RABGEF1: variants seen among roughly 807,000 people sequenced by gnomAD.
The protein encoded by RABGEF1 is RAB guanine nucleotide exchange factor 1.
In RABGEF1, 26 loss-of-function variants were observed where a neutral mutation model predicts 57.3. That is an observed-to-expected ratio of 0.45 (90% CI 0.33 to 0.63). RABGEF1 has a LOEUF of 0.63. RABGEF1 is among the 20% of genes least tolerant of loss of function. RABGEF1 has a pLI of 0.02. For synonymous variants in RABGEF1, 185 were observed against 210.7 expected, an observed-to-expected ratio of 0.88 and a Z score of 1.06; for missense variants, 464 against 607.6, an observed-to-expected ratio of 0.76 and a Z score of 2.48.
intron 7 of RABGEF1, among the ~76,000 whole-genome samples, chr7:66,802,200 C>A (rs1787443393): frequency 6.6e-6 from 1 of 152,176 alleles, no homozygotes; most frequent in African/African-American, 2.4e-5. Flanking sequence ...GGCCTGGAGA[C>A]ATTTTTAAAT....
At position 66,783,782 on chromosome 7, in the gene RABGEF1, A is replaced by G. The variant is rs1270211413; in HGVS notation, c.454A>G (p.Thr152Ala). 6.2e-7 allele frequency: 1 copy of G among 1,613,624 alleles called. No homozygotes were observed. Among genetic ancestry groups the G allele is most frequent in the Non-Finnish European group, 8.5e-7 (1 of 1,179,734 alleles). ...AGAATTTCTCAAGACCTTCCACAAG[A>G]CAGGCCAAGAAATCTATAAACAGAC... is the stretch of plus-strand genomic sequence containing the variant. The part of the protein sequence containing the change: ...FIEFLKTFHK[T>A]GQEIYKQTKL... The change falls in exon 4 of 9, where the codon ACA (threonine) becomes GCA (alanine). Residue 152 changes from threonine (T) to alanine (A), a missense_variant. Thr to Ala is a moderately conservative substitution (Grantham distance 58). This residue lies in a region of RABGEF1 where 284 missense variants were observed against 389.9 expected (regional missense o/e 0.73). Transcript: ENST00000284957.
At chr7:66,759,435 C>T (rs1803656934) in intron 1 of RABGEF1, among the ~76,000 whole-genome samples, 1 of 152,184 alleles carries the variant, frequency 6.6e-6, no homozygotes. Flanking sequence ...TGTGAAAGCT[C>T]ATGTACACCT....
At chr7:66,673,944 G>A in the RABGEF1 span, among the ~76,000 whole-genome samples, 1 of 152,206 alleles carries the variant, frequency 6.6e-6, no homozygotes, top group Non-Finnish European at 1.5e-5. Flanking sequence ...TTAAGAAAAT[G>A]CAATATGTGA....
chr7:66,684,485 C>G (rs1445569719), intron 1 of RABGEF1, among the ~76,000 whole-genome samples: 1 of 152,068 alleles, frequency 6.6e-6, no homozygotes, highest in Non-Finnish European at 1.5e-5. Context: ...GAAAAGGTCT[C>G]TATCTGTCGT....
rs569324083 is a variant in RABGEF1 at position 66,744,048 on chromosome 7, T to C, written c.-18+3256T>C. Among the ~76,000 whole-genome samples, 8 of 151,386 alleles carry C rather than the reference T, an allele frequency of 5.3e-5. No homozygotes were observed. In the South Asian group the frequency reaches 1.5e-3, roughly 28 times the overall value. On this transcript the variant is annotated intron_variant, in intron 1 of 8. Coordinates refer to ENST00000284957, the MANE Select transcript of RABGEF1 (RefSeq NM_014504.3). The stretch of plus-strand genomic sequence containing the variant: ...TTTCTTTTCTTTTCTTTTCTTTTTT[T>C]TTTTTTTAAGACGGAGTCTTGATCT...
intron 1 of RABGEF1, among the ~76,000 whole-genome samples, chr7:66,698,942 T>C (rs1009341759): frequency 2.6e-5 from 4 of 152,164 alleles, no homozygotes; most frequent in Non-Finnish European, 4.4e-5. Context: ...CACAAGTAAC[T>C]CCGGTGACTG....
intron 2 of RABGEF1, among the ~76,000 whole-genome samples, chr7:66,734,227 G>A (rs1271173370): frequency 1.3e-5 from 2 of 152,162 alleles, no homozygotes; most frequent in Admixed American, 1.3e-4. Context: ...GGACCTGGGA[G>A]GCAAGGAGAG....
chr7:66,777,137 G>A (rs1265334978), intron 3 of RABGEF1, among the ~76,000 whole-genome samples: 2 of 152,184 alleles, frequency 1.3e-5, no homozygotes, highest in East Asian at 1.9e-4. Flanking sequence ...CTTGCAGGGA[G>A]CACAAGGGCA....
intron 1 of RABGEF1, among the ~76,000 whole-genome samples, chr7:66,710,954 G>T (rs1270262183): frequency 6.6e-6 from 1 of 151,644 alleles, no homozygotes; most frequent in Non-Finnish European, 1.5e-5. Flanking sequence ...ACCAGCCTGG[G>T]CAACATAGCG....
chr7:66,779,976 T>C (rs1294716158), intron 3 of RABGEF1, among the ~76,000 whole-genome samples: 1 of 152,198 alleles, frequency 6.6e-6, no homozygotes, highest in Non-Finnish European at 1.5e-5. Flanking sequence ...CAACCAAGTG[T>C]TGATTTTAGT....
chr7:66,758,211 C>T (rs868790222), intron 1 of RABGEF1, among the ~76,000 whole-genome samples: 4 of 152,122 alleles, frequency 2.6e-5, no homozygotes, highest in Admixed American at 1.3e-4. Flanking sequence ...AAAGTATTTT[C>T]GTTTTGCTTT....
intron 5 of RABGEF1, among the ~76,000 whole-genome samples, chr7:66,796,183 A>C (rs1813995322): frequency 6.6e-6 from 1 of 152,196 alleles, no homozygotes; most frequent in Non-Finnish European, 1.5e-5. Context: ...AGGCTTTGCT[A>C]AATGAATTTT....
intron 5 of RABGEF1, among the ~76,000 whole-genome samples, chr7:66,796,279 A>G (rs1184952017): frequency 2.0e-5 from 3 of 152,122 alleles, no homozygotes; most frequent in Non-Finnish European, 4.4e-5. Flanking sequence ...TTCTTTATGG[A>G]TTCAACCTTC....
At chr7:66,676,480 T>C in the RABGEF1 span, among the ~76,000 whole-genome samples, 1 of 152,136 alleles carries the variant, frequency 6.6e-6, no homozygotes, top group Non-Finnish European at 1.5e-5. Context: ...GGGCAAATAA[T>C]GTATTTTCAA....
chr7:66,698,410 C>CA (rs993581087), intron 1 of RABGEF1, among the ~76,000 whole-genome samples: 1 of 150,906 alleles, frequency 6.6e-6, no homozygotes, highest in Non-Finnish European at 1.5e-5. Flanking sequence ...GAAAGAGAGT[C>CA]AGAGGAGAGT....
chr7:66,806,367 CA>C lies in RABGEF1; in HGVS notation c.1077+975del, dbSNP rs373405394. ...CTTCCTTTTCCTGTAAGTAGGTTCCCAAAATTGTATAAGCTTCAGGTTCCTC... is the reference window on the plus strand; with the variant it reads ...CTTCCTTTTCCTGTAAGTAGGTTCCCAAATTGTATAAGCTTCAGGTTCCTC... On this transcript the variant is annotated intron_variant, in intron 8 of 8. Transcript: ENST00000284957. Among the ~76,000 whole-genome samples, 352 of 152,156 alleles carry C rather than the reference CA, an allele frequency of 2.3e-3. 4 individuals carry two copies. The highest frequency in any genetic ancestry group is 8.1e-3 in the African/African-American group (337 of 41,514).
intron 2 of RABGEF1, among the ~76,000 whole-genome samples, chr7:66,718,031 T>A (rs1167794820): frequency 6.6e-6 from 1 of 152,142 alleles, no homozygotes; most frequent in Non-Finnish European, 1.5e-5. Context: ...ATCATTCCAT[T>A]CATTTAAAAA....
chr7:66,694,033 T>G (rs1381839696), intron 1 of RABGEF1, among the ~76,000 whole-genome samples: 2 of 152,210 alleles, frequency 1.3e-5, no homozygotes, highest in Non-Finnish European at 2.9e-5. Context: ...GGTCTCGAAC[T>G]CCTGGCCTCA....
rs1464863697 is a variant in RABGEF1 at position 66,809,010 on chromosome 7, C to CTGA, written c.1205_1207dup (p.Asp402dup). 1 of 1,614,160 alleles carries CTGA rather than the reference C, an allele frequency of 6.2e-7. No individual in the cohort carries two copies. Among genetic ancestry groups the CTGA allele is most frequent in the Admixed American group, 1.7e-5 (1 of 60,008 alleles). Reference sequence around the variant, plus strand: ...AAGCAAGAAGCTGAGAGTTGGTCTCCTGATGCTTGCTTAGGCGTCAAGCAA... The same window carrying CTGA: ...AAGCAAGAAGCTGAGAGTTGGTCTCCTGATGATGCTTGCTTAGGCGTCAAGCAA... On this transcript the variant is annotated inframe_insertion, in exon 9 of 9. Transcript: ENST00000284957.
Sources: gnomAD v4.1 joint callset for allele counts (sites outside exome capture counted in the v4.1 genomes callset) on GRCh38, gnomAD v4.1.1 for gene constraint, gnomAD v4.1.1 regional missense constraint, MANE v1.5 for transcripts, NCBI Gene and HGNC (gene_info 2026-07-23, HGNC 2026-07-21) for gene names.